Variants in DAB1 observed in about 807,000 individuals in gnomAD.
DAB1 encodes the protein DAB adaptor protein 1.
DAB1 carries 15 observed loss-of-function variants against 64.6 expected under a neutral mutation model. That is an observed-to-expected ratio of 0.23 (90% confidence interval 0.16 to 0.36). The LOEUF (loss-of-function observed/expected upper bound fraction) is 0.36. Among genes scored for constraint, DAB1 ranks in the 10% least tolerant of loss-of-function variants. The probability of loss-of-function intolerance (pLI) is 1.00; values close to 1 mark genes in which losing one functional copy is unlikely to be tolerated. For synonymous variants in DAB1, 235 were observed against 251.9 expected (o/e 0.93, Z 0.64); for missense variants, 596 against 706.7 (o/e 0.84, Z 1.78).
intron 1 of DAB1, among the ~76,000 whole-genome samples, chr1:57,855,507 G>T (rs1384571136): frequency 1.3e-5 from 2 of 152,088 alleles, no homozygotes; most frequent in Non-Finnish European, 2.9e-5. Flanking sequence ...ACATAGTGAT[G>T]GTGCTTTCAG....
At chr1:57,585,249 A>G (rs1386811052) in intron 7 of DAB1, among the ~76,000 whole-genome samples, 5 of 3,482 alleles carry the variant, frequency 1.4e-3, no homozygotes, top group Admixed American at 0.014. Context: ...ACTCTTTCTG[A>G]AAAAAAAAAA....
At chr1:57,137,173 G>C (rs1449456045) in intron 3 of DAB1, among the ~76,000 whole-genome samples, 1 of 152,110 alleles carries the variant, frequency 6.6e-6, no homozygotes, top group Non-Finnish European at 1.5e-5. Context: ...AATGCCTATT[G>C]ATTATAATTT....
chr1:58,300,677 G>A (rs1252481517), intron 4 of DAB1, among the ~76,000 whole-genome samples: 11 of 137,444 alleles, frequency 8.0e-5, no homozygotes, highest in African/African-American at 3.2e-4. Context: ...AGGAAGGAAG[G>A]AAGGAAGGAA....
At chr1:57,934,194 G>C (rs1644994423) in intron 5 of DAB1, among the ~76,000 whole-genome samples, 1 of 151,964 alleles carries the variant, frequency 6.6e-6, no homozygotes, top group Admixed American at 6.6e-5. Context: ...CAAAGTGCGG[G>C]ATTACAGGCG....
At chr1:58,307,075 TTTCTC>T (rs1233674456) in intron 4 of DAB1, among the ~76,000 whole-genome samples, 2 of 152,228 alleles carry the variant, frequency 1.3e-5, no homozygotes, top group African/African-American at 4.8e-5. Context: ...CAACTAGTGT[TTTCTC>T]TACTCTACAA....
intron 5 of DAB1, among the ~76,000 whole-genome samples, chr1:57,991,332 C>T (rs547095826): frequency 2.0e-5 from 3 of 152,252 alleles, no homozygotes; most frequent in East Asian, 1.9e-4. Flanking sequence ...GGTGACAATG[C>T]TATGTTGTTT....
At chr1:58,495,996 T>C (rs184009093) in intron 3 of DAB1, among the ~76,000 whole-genome samples, 1 of 152,286 alleles carries the variant, frequency 6.6e-6, no homozygotes, top group East Asian at 1.9e-4. Context: ...TTCCCATGGA[T>C]GATACTCTGG....
At chr1:57,118,427 T>C (rs1570725535) in intron 4 of DAB1, among the ~76,000 whole-genome samples, 3 of 152,168 alleles carry the variant, frequency 2.0e-5, no homozygotes, top group African/African-American at 7.2e-5. Flanking sequence ...GGTGAAAGAT[T>C]CCACCAAGAA....
intron 3 of DAB1, chr1:58,473,826 A>T: frequency 1.7e-6 from 1 of 581,842 alleles, no homozygotes; most frequent in Non-Finnish European, 3.0e-6. Flanking sequence ...CGCCAAGCAC[A>T]CTTCCCAAGA....
At chr1:57,150,982 C>G (rs1659613802) in intron 2 of DAB1, among the ~76,000 whole-genome samples, 1 of 152,038 alleles carries the variant, frequency 6.6e-6, no homozygotes, top group Non-Finnish European at 1.5e-5. Flanking sequence ...ATAAGAAAAC[C>G]CTGTCTCAAA....
intron 6 of DAB1, among the ~76,000 whole-genome samples, chr1:57,674,689 C>T (rs775846242): frequency 2.0e-5 from 3 of 152,148 alleles, no homozygotes; most frequent in Non-Finnish European, 4.4e-5. Context: ...GTAACTGCTC[C>T]TCAGTCACCA....
chr1:57,422,503 G>C (rs1306007643), intron 1 of DAB1, among the ~76,000 whole-genome samples: 1 of 152,066 alleles, frequency 6.6e-6, no homozygotes, highest in Admixed American at 6.6e-5. Context: ...CGCAGACACC[G>C]ACCCACGCGG....
At chr1:57,291,544 A>ATCCATCACCCATCCATC (rs1672776255) in intron 1 of DAB1, among the ~76,000 whole-genome samples, 1 of 152,160 alleles carries the variant, frequency 6.6e-6, no homozygotes, top group South Asian at 2.1e-4. Context: ...TCCATCAGCC[A>ATCCATCACCCATCCATC]AGCTTGATCA....
intron 7 of DAB1, among the ~76,000 whole-genome samples, chr1:57,457,204 G>A (rs1686628370): frequency 6.6e-6 from 1 of 152,120 alleles, no homozygotes; most frequent in Admixed American, 6.6e-5. Context: ...AGAAGAAAGA[G>A]CCTGTCTCAG....
At chr1:58,041,896 C>T (rs1647142361) in intron 5 of DAB1, among the ~76,000 whole-genome samples, 1 of 152,202 alleles carries the variant, frequency 6.6e-6, no homozygotes, top group South Asian at 2.1e-4. Flanking sequence ...CCATGCATAC[C>T]TGCTAAGAAA....
At chr1:58,063,658 TCACAACAA>T (rs1403273028) in intron 5 of DAB1, among the ~76,000 whole-genome samples, 7 of 152,196 alleles carry the variant, frequency 4.6e-5, no homozygotes, top group Non-Finnish European at 1.0e-4. Flanking sequence ...ATGGGCATAT[TCACAACAA>T]AAAACACTGA....
intron 5 of DAB1, among the ~76,000 whole-genome samples, chr1:57,944,226 G>A (rs1246636843): frequency 1.3e-5 from 2 of 152,052 alleles, no homozygotes; most frequent in Non-Finnish European, 2.9e-5. Context: ...TCTTTCACCT[G>A]TCCTGTTTGG....
intron 2 of DAB1, among the ~76,000 whole-genome samples, chr1:57,171,855 G>A (rs1661800217): frequency 6.6e-6 from 1 of 152,184 alleles, no homozygotes; most frequent in African/African-American, 2.4e-5. Context: ...TTAAGTGACA[G>A]GTGTATATTA....
chr1:57,841,124 T>C (rs1441826480), intron 1 of DAB1, among the ~76,000 whole-genome samples: 2 of 152,182 alleles, frequency 1.3e-5, no homozygotes, highest in South Asian at 2.1e-4. Context: ...ACAGGCCCCA[T>C]GCAAGTCCAA....
Sources: gnomAD v4.1 joint callset for allele counts (sites outside exome capture counted in the v4.1 genomes callset) on GRCh38, gnomAD v4.1.1 for gene constraint, MANE v1.5 for transcripts, NCBI Gene and HGNC (gene_info 2026-07-23, HGNC 2026-07-21) for gene names.